The following TBX22 variants were observed in gnomAD, a reference collection of about 807,000 sequenced individuals.
TBX22 encodes the protein T-box transcription factor 22.
A neutral mutation model predicts 30.1 loss-of-function variants in TBX22; 8 were observed. The ratio of observed to expected loss-of-function variants is 0.27; its 90% CI spans 0.16 to 0.48. The LOEUF (loss-of-function observed/expected upper bound fraction) is 0.48. TBX22 is among the 20% of genes least tolerant of loss of function. The probability of loss-of-function intolerance (pLI) is 0.99; values close to 1 mark genes in which losing one functional copy is unlikely to be tolerated. For missense variants in TBX22, 463 were observed against 400.5 expected (o/e 1.16, Z -1.33); for synonymous variants, 173 against 149.1 (o/e 1.16, Z -1.17).
intron 8 of TBX22, among the ~76,000 whole-genome samples, chrX:80,030,076 C>T (rs1924171114): frequency 9.0e-6 from 1 of 111,671 alleles, no homozygotes; most frequent in African/African-American, 3.3e-5. Flanking sequence ...CTCAGATCAT[C>T]AGGCATTAGA....
In TBX22 at chrX:80,022,433, G is replaced by T. The variant is rs1339818189; in HGVS notation, c.164G>T (p.Ser55Ile). The change falls in exon 2 of 9, where the codon AGC becomes ATC. Residue 55 changes from serine to isoleucine, a missense_variant. Coordinates refer to ENST00000373296, the MANE Select transcript of TBX22 (RefSeq NM_001109878.2). ...EERRSSAAGK[S>I]EPLEKQPKTE... ...AGAAGGAGCAGCGCTGCAGGGAAGA[G>T]CGAGCCGCTTGGTAAGTACTGCCAT... The T allele has an allele frequency of 5.1e-6, 6 of 1,186,043 alleles. No homozygotes were observed. The Middle Eastern group carries it at 7.7e-4, about 153-fold the overall frequency.
Position 80,030,781 on chromosome X carries a change from T to A in TBX22, c.1233T>A (p.Pro411=), listed in dbSNP as rs1247656483. Residue 411 remains proline (P), a synonymous_variant, in exon 9 of 9, where the codon CCT becomes CCA. Coordinates refer to ENST00000373296, the MANE Select transcript of TBX22 (RefSeq NM_001109878.2). ...QSLAPLMMEV[P]MLSSLGVTNS... is the part of the protein sequence containing the mutation. ...TAGCCCCACTCATGATGGAAGTGCC[T>A]ATGTTATCTTCCCTGGGGGTCACCA... The A allele has an allele frequency of 8.3e-7, 1 of 1,211,112 alleles. No individual in the cohort carries two copies. The highest frequency in any genetic ancestry group is 1.1e-6 in the Non-Finnish European group (1 of 894,733).
Position 80,024,064 on chromosome X carries a change from C to A in TBX22, c.358C>A (p.Arg120=), listed in dbSNP as rs1162711332. Residue 120 remains arginine, a splice_region_variant and synonymous_variant, in exon 4 of 9, where the codon CGG becomes AGG. Coordinates refer to ENST00000373296, the MANE Select transcript of TBX22 (RefSeq NM_001109878.2). ...CAGTCCTTATTTTCTTTCTTACAGG[C>A]GGATGTTCCCCTCTGTTCGGGTCAA... is the stretch of plus-strand genomic sequence containing the variant. ...TEMIITKAGR[R]MFPSVRVKVK... is the part of the protein sequence containing the mutation. 8 of 1,207,796 alleles carry A rather than the reference C, an allele frequency of 6.6e-6. No homozygotes were observed. Among genetic ancestry groups the A allele is most frequent in the Non-Finnish European group, 9.0e-6 (8 of 893,372 alleles).
At chrX:80,021,648 T>C (rs1044451987) in intron 1 of TBX22, among the ~76,000 whole-genome samples, 5 of 112,452 alleles carry the variant, frequency 4.4e-5, no homozygotes, top group African/African-American at 6.5e-5. Context: ...TCCCTATCTA[T>C]AGCTTTTTTT....
intron 8 of TBX22, among the ~76,000 whole-genome samples, chrX:80,030,065 C>T (rs1195299743): frequency 9.0e-6 from 1 of 111,576 alleles, no homozygotes; most frequent in South Asian, 3.7e-4. Context: ...AACTGTTCCA[C>T]CTCAGATCAT....
At chrX:80,017,849 C>T (rs920311455) in intron 1 of TBX22, among the ~76,000 whole-genome samples, 38 of 111,496 alleles carry the variant, frequency 3.4e-4, no homozygotes. Flanking sequence ...GAACTGAAGC[C>T]TAATGTTGTA....
Position 80,031,622 on chromosome X carries a change from C to G in TBX22, c.*511C>G, listed in dbSNP as rs1361772469. On this transcript the variant is annotated 3_prime_UTR_variant, in exon 9 of 9. Transcript: ENST00000373296. ...TTATACTTTGCTGTTGAAGAAACTA[C>G]TAATCTCAATTTAAGATACAAATAA... 8.8e-6 allele frequency: 1 copy of G among 113,187 alleles called. No homozygotes were observed. The highest frequency in any genetic ancestry group is 1.8e-5 in the Non-Finnish European group (1 of 54,128). The allele number at this position is 113,187 out of a possible 1,213,427, so 9.3% of individuals were successfully genotyped here.
Position 80,022,260 on chromosome X carries a change from C to A in TBX22, c.-2-8C>A. The A allele has an allele frequency of 8.3e-7, 1 of 1,210,875 alleles. No homozygotes were observed. Among genetic ancestry groups the A allele is most frequent in the Non-Finnish European group, 1.1e-6 (1 of 895,013 alleles). On this transcript the variant is annotated splice_region_variant and splice_polypyrimidine_tract_variant and intron_variant, in intron 1 of 8. Transcript: ENST00000373296. ...CTTTGCTGCAAAGAATCCCTTCACCCCCTCCAGGGATGGCTCTGAGCTCTC... is the reference window on the plus strand; with the variant it reads ...CTTTGCTGCAAAGAATCCCTTCACCACCTCCAGGGATGGCTCTGAGCTCTC...
At chrX:80,027,166 C>G (rs1924014882) in intron 6 of TBX22, 90 bp from the exon 7 acceptor site, 2 of 558,701 alleles carry the variant, frequency 3.6e-6, no homozygotes, top group Non-Finnish European at 6.3e-6. Flanking sequence ...TTCAACATCT[C>G]TTCTGGTGGT....
intron 1 of TBX22, among the ~76,000 whole-genome samples, chrX:80,021,736 C>G (rs1481247383): frequency 2.7e-5 from 3 of 111,707 alleles, no homozygotes; most frequent in Non-Finnish European, 5.6e-5. Flanking sequence ...CAATAGTTTC[C>G]AAAACAAACA....
intron 4 of TBX22, among the ~76,000 whole-genome samples, chrX:80,024,812 G>A (rs1345547218): frequency 9.0e-6 from 1 of 111,462 alleles, no homozygotes; most frequent in Non-Finnish European, 1.9e-5. Context: ...AAGCCCTTCT[G>A]GGATACACCC....
At chrX:80,015,919 G>A (rs1464192379) in intron 1 of TBX22, among the ~76,000 whole-genome samples, 1 of 112,021 alleles carries the variant, frequency 8.9e-6, no homozygotes, top group Non-Finnish European at 1.9e-5. Context: ...ACTTCATGAA[G>A]GAGCAGTTTT....
At chrX:80,025,961 T>C (rs1443946760) in intron 5 of TBX22, among the ~76,000 whole-genome samples, 184 bp downstream of exon 5, 1 of 111,336 alleles carries the variant, frequency 9.0e-6, no homozygotes, top group East Asian at 2.8e-4. Flanking sequence ...GTTTAGCATC[T>C]GAGATGCTGG....
rs374690782 is a variant in TBX22 at position 80,031,084 on chromosome X, G to T, written c.1536G>T (p.Trp512Cys). ...FGEGKCNHVH[W>C]YPAINHYL is the part of the protein sequence containing the mutation. ...AAGGCAAATGTAATCATGTTCATTG[G>T]TATCCAGCAATTAACCATTACCTTT... Residue 512 changes from tryptophan to cysteine, a missense_variant, in exon 9 of 9, where the codon TGG becomes TGT. Physicochemically the swap from Trp to Cys is radical, Grantham distance 215. Transcript: ENST00000373296. 1.7e-6 allele frequency: 2 copies of T among 1,208,218 alleles called. No homozygotes were observed. The highest frequency in any genetic ancestry group is 3.5e-5 in the African/African-American group (2 of 57,383).
rs1193114601 is a variant in TBX22, at chrX:80,025,677, T to C, written c.533T>C (p.Val178Ala). 1.7e-6 allele frequency: 2 copies of C among 1,207,557 alleles called. No homozygotes were observed. The highest frequency in any genetic ancestry group is 2.2e-6 in the Non-Finnish European group (2 of 893,102). Residue 178 changes from valine to alanine, a missense_variant, in exon 5 of 9, where the codon GTT becomes GCT. Val to Ala is a moderately conservative substitution (Grantham distance 64). Coordinates refer to ENST00000373296, the MANE Select transcript of TBX22 (RefSeq NM_001109878.2). ...TTGTGCATCATTCCTAGATTCTATG[T>C]TCACCCGGACTCACCCTGCTCGGGA... is the stretch of plus-strand genomic sequence containing the variant. ...DHLCIIPRFY[V>A]HPDSPCSGET... is the part of the protein sequence containing the mutation.
intron 4 of TBX22, among the ~76,000 whole-genome samples, chrX:80,024,607 G>A (rs928295675): frequency 1.8e-5 from 2 of 111,728 alleles, no homozygotes; most frequent in Non-Finnish European, 3.8e-5. Context: ...TTTGGCAGCA[G>A]GAGGCCAGAA....
chrX:80,025,100 A>C (rs1429826063), intron 4 of TBX22, among the ~76,000 whole-genome samples: 2 of 112,035 alleles, frequency 1.8e-5, no homozygotes, highest in Non-Finnish European at 3.8e-5. Flanking sequence ...ATAAGAGCAA[A>C]ACTGGGAAGT....
chrX:80,030,221 C>G (rs760754823), intron 8 of TBX22, among the ~76,000 whole-genome samples: 7 of 111,948 alleles, frequency 6.3e-5, no homozygotes, highest in African/African-American at 2.3e-4. Flanking sequence ...TGCTCACTGG[C>G]CTGCTGATCA....
intron 7 of TBX22, 53 bp downstream of exon 7, chrX:80,027,373 A>AC: frequency 1.8e-6 from 1 of 550,180 alleles, no homozygotes; most frequent in Non-Finnish European, 2.9e-6. Flanking sequence ...TATTTTCACA[A>AC]GTTTTTTTTT....
Sources: allele counts gnomAD v4.1 joint callset (sites outside exome capture counted in the v4.1 genomes callset), GRCh38; gene constraint gnomAD v4.1.1; transcripts MANE v1.5; gene names NCBI Gene and HGNC (gene_info 2026-07-23, HGNC 2026-07-21).